Variants in LRCH3 observed in about 807,000 individuals in gnomAD.
LRCH3 encodes leucine rich repeats and calponin homology domain containing 3, also known as DISP complex protein LRCH3.
A neutral mutation model predicts 104.5 loss-of-function variants in LRCH3; 68 were observed. The observed-to-expected ratio is 0.65, with a 90% confidence interval of 0.54 to 0.80. LRCH3 has a LOEUF of 0.80. LRCH3 is among the 30% of genes least tolerant of loss of function. The pLI, the probability that LRCH3 is intolerant of heterozygous loss-of-function variation, is 0.00. For missense variants in LRCH3, 951 were observed against 953.9 expected, an observed-to-expected ratio of 1.00 and a Z score of 0.04; for synonymous variants, 344 against 361.3, an observed-to-expected ratio of 0.95 and a Z score of 0.54.
intron 10 of LRCH3, among the ~76,000 whole-genome samples, chr3:197,839,945 C>T (rs1195028843): frequency 6.7e-6 from 1 of 149,696 alleles, no homozygotes; most frequent in Non-Finnish European, 1.5e-5. Context: ...GCAGTCCAAC[C>T]TGGGCAACAG....
Position 197,839,390 on chromosome 3 carries a change from C to A in LRCH3, c.1321C>A (p.Gln441Lys). The A allele has an allele frequency of 6.4e-7, 1 of 1,573,208 alleles. No individual in the cohort carries two copies. Reference protein sequence around the residue: ...KTEDMRRYLHQNRVPAEPSSL... With the variant: ...KTEDMRRYLHKNRVPAEPSSL... ...AGAAGATATGAGAAGATATTTACAT[C>A]AAAACAGGTTTGAAAAACCAATTCT... is the stretch of plus-strand genomic sequence containing the variant. Residue 441 changes from glutamine (Q) to lysine (K), a missense_variant, in exon 10 of 21, where the codon CAA becomes AAA. Physicochemically the swap from Gln to Lys is moderately conservative, Grantham distance 53. Transcript: ENST00000425562.
chr3:197,797,262 G>C (rs1416581583), intron 1 of LRCH3, among the ~76,000 whole-genome samples: 6 of 148,940 alleles, frequency 4.0e-5, no homozygotes, highest in Admixed American at 1.4e-4. Flanking sequence ...CCTGGAAGTG[G>C]AGGTTGCAGT....
intron 1 of LRCH3, among the ~76,000 whole-genome samples, chr3:197,795,370 A>G (rs1274967200): frequency 2.0e-5 from 3 of 152,180 alleles, no homozygotes; most frequent in Non-Finnish European, 4.4e-5. Context: ...GTCAGTCAGT[A>G]TATAGTCCAT....
intron 20 of LRCH3, among the ~76,000 whole-genome samples, chr3:197,879,477 T>C (rs1427851329): frequency 1.3e-5 from 2 of 151,150 alleles, no homozygotes; most frequent in Non-Finnish European, 2.9e-5. Flanking sequence ...AAACCCCGTC[T>C]CTACTAAAAA....
intron 4 of LRCH3, among the ~76,000 whole-genome samples, chr3:197,820,731 C>T (rs141639392): frequency 7.9e-5 from 12 of 152,202 alleles, no homozygotes; most frequent in African/African-American, 2.4e-4. Flanking sequence ...AGTCCCTGAG[C>T]CCAGGAGGCC....
At chr3:197,814,821 A>G in intron 1 of LRCH3, 87 bp from the exon 2 acceptor site, 1 of 1,165,804 alleles carries the variant, frequency 8.6e-7, no homozygotes, top group Non-Finnish European at 1.2e-6. Flanking sequence ...TAATAGTTTT[A>G]TTTTTTAGTT....
At chr3:197,815,229 T>G (rs1733671637) in intron 2 of LRCH3, among the ~76,000 whole-genome samples, 177 bp downstream of exon 2, 1 of 152,192 alleles carries the variant, frequency 6.6e-6, no homozygotes, top group African/African-American at 2.4e-5. Context: ...CTCTTTATCT[T>G]TGGCTTTGCA....
At position 197,887,766 on chromosome 3, in the gene LRCH3, C is replaced by T. The variant is rs1714348354; in HGVS notation, c.*4100C>T. 2.0e-5 allele frequency: 3 copies of T among 148,108 alleles called. No individual in the cohort carries two copies. The highest frequency in any genetic ancestry group is 4.4e-5 in the Non-Finnish European group (3 of 67,678). 9.2% of individuals were successfully genotyped at this position (148,108 alleles called of 1,614,324 possible). On this transcript the variant is annotated 3_prime_UTR_variant, in exon 21 of 21. Transcript: ENST00000425562. ...AGCCCCCCAGCAGAGCCCTTCCCAT[C>T]ACTGACAGTGTCTGGGGCTGAGAGC...
chr3:197,841,636 A>T (rs1297957416), intron 10 of LRCH3, among the ~76,000 whole-genome samples: 1 of 152,058 alleles, frequency 6.6e-6, no homozygotes, highest in East Asian at 1.9e-4. Flanking sequence ...CTTAGTCCAG[A>T]GTTCCTGTTT....
At chr3:197,847,138 G>A (rs1402149069) in intron 10 of LRCH3, among the ~76,000 whole-genome samples, 1 of 152,192 alleles carries the variant, frequency 6.6e-6, no homozygotes. Flanking sequence ...TTTGCAAGGT[G>A]ATCTCAATTA....
chr3:197,883,276 G>A lies in LRCH3; in HGVS notation c.2209-265G>A. 8.5e-7 allele frequency: 1 copy of A among 1,183,100 alleles called. No individual in the cohort carries two copies. Among genetic ancestry groups the A allele is most frequent in the Non-Finnish European group, 1.1e-6 (1 of 952,276 alleles). The allele number at this position is 1,183,100 out of a possible 1,614,324, so 73.3% of individuals were successfully genotyped here. ...CCTGCGGTATTGTTTTCCCTCTGTT[G>A]TATGTATAGATATATGCTACTTGTC... On this transcript the variant is annotated intron_variant, in intron 20 of 20. Coordinates refer to ENST00000425562, the MANE Select transcript of LRCH3 (RefSeq NM_001365715.1). This position sits in a 1 kb window ranked among gnomAD's most constrained non-coding sequence, Gnocchi z 4.2.
rs137949124 is a variant in LRCH3, at chr3:197,851,579, G to T, written c.1531-982G>T. Among the ~76,000 whole-genome samples the T allele has an allele frequency of 2.1e-3, 321 of 152,268 alleles. 1 individual carries two copies. Among genetic ancestry groups the T allele is most frequent in the African/African-American group, 7.5e-3 (311 of 41,544 alleles). On this transcript the variant is annotated intron_variant, in intron 12 of 20. Transcript: ENST00000425562. Reference sequence around the variant, plus strand: ...TTTGAATCCAGCTTTGCCACTTGCCGTGCGCTTGACTTTCAGAAAGCTACT... The same window carrying T: ...TTTGAATCCAGCTTTGCCACTTGCCTTGCGCTTGACTTTCAGAAAGCTACT...
chr3:197,817,072 C>A, intron 2 of LRCH3, 104 bp from the exon 3 acceptor site: 1 of 1,033,084 alleles, frequency 9.7e-7, no homozygotes, highest in Non-Finnish European at 1.4e-6. Flanking sequence ...TTGTTTCTTG[C>A]AAGACTCATA....
chr3:197,835,594 A>G (rs1166546054), intron 8 of LRCH3, 80 bp from the exon 9 acceptor site: 11 of 1,358,016 alleles, frequency 8.1e-6, no homozygotes, highest in Non-Finnish European at 1.1e-5. Context: ...GAAATAAGTA[A>G]ATGTCTTTTA....
At chr3:197,817,351 T>C (rs769541383) in intron 3 of LRCH3, 49 bp downstream of exon 3, 1 of 159,624 alleles carries the variant, frequency 6.3e-6, no homozygotes, top group South Asian at 2.2e-4. Flanking sequence ...TGTGTCTGTG[T>C]GTGTGTGTGT....
chr3:197,866,605 A>C (rs541882797), intron 17 of LRCH3, among the ~76,000 whole-genome samples: 2 of 152,188 alleles, frequency 1.3e-5, no homozygotes, highest in East Asian at 1.9e-4. Flanking sequence ...AATAATGACA[A>C]ATTTCTCCCT....
intron 17 of LRCH3, among the ~76,000 whole-genome samples, chr3:197,866,507 CTT>C (rs1201607433): frequency 6.6e-6 from 1 of 152,150 alleles, no homozygotes; most frequent in South Asian, 2.1e-4. Context: ...GTAATGAACT[CTT>C]TTTCACATTT....
intron 1 of LRCH3, among the ~76,000 whole-genome samples, chr3:197,807,771 G>A: frequency 6.6e-6 from 1 of 151,864 alleles, no homozygotes; most frequent in Admixed American, 6.6e-5. Flanking sequence ...AGCTCTCTTT[G>A]TTGCTGCCCT....
intron 15 of LRCH3, among the ~76,000 whole-genome samples, chr3:197,859,632 T>C (rs1033036085): frequency 1.3e-5 from 2 of 152,376 alleles, no homozygotes; most frequent in African/African-American, 4.8e-5. Context: ...TTGTTATCAC[T>C]GGATATGTAC....
Sources: allele counts gnomAD v4.1 joint callset (sites outside exome capture counted in the v4.1 genomes callset), GRCh38; gene constraint gnomAD v4.1.1; non-coding constraint Gnocchi (gnomAD v3.1); transcripts MANE v1.5; gene names NCBI Gene and HGNC (gene_info 2026-07-23, HGNC 2026-07-21).